The following SPAG16 variants were observed in gnomAD, a reference collection of about 807,000 sequenced individuals.
SPAG16 encodes sperm associated antigen 16.
A neutral mutation model predicts 80.4 loss-of-function variants in SPAG16; 86 were observed. The observed-to-expected ratio is 1.07, with a 90% CI of 0.90 to 1.28. SPAG16 has a LOEUF of 1.28. Among genes scored for constraint, SPAG16 ranks in the 50% most tolerant of loss-of-function variants. The pLI, the probability that SPAG16 is intolerant of heterozygous loss-of-function variation, is 0.00. For missense variants in SPAG16, 870 were observed against 765.3 expected (o/e 1.14, Z -1.61); for synonymous variants, 294 against 265.9 (o/e 1.11, Z -1.03).
Position 213,916,039 on chromosome 2 carries a change from A to G in SPAG16, c.1215-13921A>G, listed in dbSNP as rs547261135. ...TCCTTTGTCAGATGGATAGATTGCA[A>G]AAATTTTCTCCCATTCTGTAGGTTG... On this transcript the variant is annotated intron_variant, in intron 11 of 15. Coordinates refer to ENST00000331683, the MANE Select transcript of SPAG16 (RefSeq NM_024532.5). Among the ~76,000 whole-genome samples the G allele has an allele frequency of 5.3e-5, 8 of 152,338 alleles. No individual in the cohort carries two copies. In the South Asian group the frequency reaches 1.4e-3, roughly 28 times the overall value.
At chr2:213,974,966 C>T (rs201770737) in intron 12 of SPAG16, among the ~76,000 whole-genome samples, 1 of 116,054 alleles carries the variant, frequency 8.6e-6, no homozygotes, top group Admixed American at 8.0e-5. Context: ...AAAAAAAAAA[C>T]ACAAAATGTG....
At chr2:214,036,788 C>A (rs995663565) in intron 13 of SPAG16, among the ~76,000 whole-genome samples, 1 of 152,086 alleles carries the variant, frequency 6.6e-6, no homozygotes, top group African/African-American at 2.4e-5. Context: ...ATTTAGGGTT[C>A]TTTTTGTCTT....
intron 9 of SPAG16, among the ~76,000 whole-genome samples, chr2:213,463,364 C>A (rs182597955): frequency 2.0e-5 from 3 of 152,336 alleles, no homozygotes; most frequent in Admixed American, 1.3e-4. Flanking sequence ...ATGTTAATCA[C>A]CAAGACAATG....
chr2:213,676,663 C>T (rs149952547), intron 10 of SPAG16, among the ~76,000 whole-genome samples: 5,485 of 152,086 alleles, frequency 0.036, 133 homozygotes, highest in African/African-American at 0.063. Flanking sequence ...GTCTTTGATT[C>T]TGCTTATATG....
At chr2:214,310,612 G>C (rs1695231836) in intron 15 of SPAG16, among the ~76,000 whole-genome samples, 1 of 152,166 alleles carries the variant, frequency 6.6e-6, no homozygotes, top group Non-Finnish European at 1.5e-5. Flanking sequence ...AGTTTGTGGT[G>C]GGATGCACTG....
At chr2:213,981,744 G>A (rs1248705137) in intron 12 of SPAG16, among the ~76,000 whole-genome samples, 1 of 151,944 alleles carries the variant, frequency 6.6e-6, no homozygotes, top group Non-Finnish European at 1.5e-5. Flanking sequence ...ATTATACAAA[G>A]CCACTGATAT....
chr2:213,306,179 G>A (rs2062931163), intron 3 of SPAG16, among the ~76,000 whole-genome samples: 1 of 151,410 alleles, frequency 6.6e-6, no homozygotes, highest in Admixed American at 6.6e-5. Flanking sequence ...GGTATTGGTT[G>A]TGATGTCCCC....
intron 10 of SPAG16, among the ~76,000 whole-genome samples, chr2:213,537,744 T>G (rs144942385): frequency 6.6e-6 from 1 of 152,340 alleles, no homozygotes; most frequent in Non-Finnish European, 1.5e-5. Flanking sequence ...TTTTTCTGCT[T>G]CTTGGTTTTA....
chr2:213,403,170 G>A (rs2068419796), intron 9 of SPAG16, among the ~76,000 whole-genome samples: 2 of 152,138 alleles, frequency 1.3e-5, no homozygotes, highest in Non-Finnish European at 2.9e-5. Context: ...GCATTTCTCT[G>A]ATGGCCAGTG....
At chr2:214,370,704 A>G (rs1465913601) in intron 15 of SPAG16, among the ~76,000 whole-genome samples, 1 of 152,332 alleles carries the variant, frequency 6.6e-6, no homozygotes, top group East Asian at 1.9e-4. Flanking sequence ...AGCAGAGAGC[A>G]GAATGGTAGC....
At chr2:213,975,846 T>C (rs562232405) in intron 12 of SPAG16, among the ~76,000 whole-genome samples, 37 of 152,056 alleles carry the variant, frequency 2.4e-4, no homozygotes, top group Non-Finnish European at 4.4e-4. Context: ...ATGTTTTTTT[T>C]CACATGGTTT....
At chr2:213,501,599 A>G (rs992494419) in intron 10 of SPAG16, among the ~76,000 whole-genome samples, 1 of 152,332 alleles carries the variant, frequency 6.6e-6, no homozygotes, top group African/African-American at 2.4e-5. Flanking sequence ...TTTAAACAGA[A>G]TGATTGGGAA....
chr2:214,055,248 A>G (rs568170422), intron 13 of SPAG16, among the ~76,000 whole-genome samples: 1 of 152,166 alleles, frequency 6.6e-6, no homozygotes, highest in Non-Finnish European at 1.5e-5. Flanking sequence ...CTACATATTG[A>G]TGATTTCCAT....
intron 11 of SPAG16, among the ~76,000 whole-genome samples, chr2:213,888,588 G>C (rs1213235272): frequency 6.6e-6 from 1 of 151,656 alleles, no homozygotes; most frequent in East Asian, 1.9e-4. Context: ...ATGAAAGTTG[G>C]TGGTGGAAAA....
At chr2:213,716,482 T>C (rs1234880482) in intron 10 of SPAG16, among the ~76,000 whole-genome samples, 2 of 152,210 alleles carry the variant, frequency 1.3e-5, no homozygotes, top group Admixed American at 6.5e-5. Context: ...GTAACAACTA[T>C]GTTTTCTTAA....
intron 13 of SPAG16, among the ~76,000 whole-genome samples, chr2:214,107,628 A>C (rs2053449231): frequency 6.6e-6 from 1 of 152,164 alleles, no homozygotes; most frequent in African/African-American, 2.4e-5. Flanking sequence ...GGATAAGTTA[A>C]ATTGAATGAA....
At chr2:213,935,788 C>T (rs1309944357) in intron 12 of SPAG16, among the ~76,000 whole-genome samples, 1 of 152,130 alleles carries the variant, frequency 6.6e-6, no homozygotes, top group Non-Finnish European at 1.5e-5. Flanking sequence ...GTTGACCTCA[C>T]AGGTTTATTT....
At chr2:213,356,642 C>T (rs1262505612) in intron 7 of SPAG16, among the ~76,000 whole-genome samples, 2 of 151,926 alleles carry the variant, frequency 1.3e-5, no homozygotes, top group Non-Finnish European at 2.9e-5. Flanking sequence ...TCTCTCCTTT[C>T]TTCTTTATTA....
At chr2:213,900,637 A>C (rs969534854) in intron 11 of SPAG16, among the ~76,000 whole-genome samples, 2 of 152,086 alleles carry the variant, frequency 1.3e-5, no homozygotes, top group African/African-American at 4.8e-5. Flanking sequence ...TTATTTGACT[A>C]TTGCTTATCT....
Sources: gnomAD v4.1 joint callset for allele counts (sites outside exome capture counted in the v4.1 genomes callset) on GRCh38, gnomAD v4.1.1 for gene constraint, MANE v1.5 for transcripts, NCBI Gene and HGNC (gene_info 2026-07-23, HGNC 2026-07-21) for gene names.